The following AREG variants were observed in gnomAD, a reference collection of about 807,000 sequenced individuals.
AREG encodes the protein amphiregulin B.
Under a neutral mutation model 28.0 loss-of-function variants are expected in AREG, and 16 were observed. The observed-to-expected ratio is 0.57, with a 90% CI of 0.39 to 0.87. The LOEUF is 0.87. AREG is among the 40% of genes least tolerant of loss of function. AREG has a pLI of 0.00. For synonymous variants in AREG, 113 were observed against 113.5 expected (o/e 1.00, Z 0.02); for missense variants, 287 against 309.1 (o/e 0.93, Z 0.53).
intron 2 of AREG, among the ~76,000 whole-genome samples, chr4:74,447,077 T>C (rs1185674369): frequency 2.6e-5 from 4 of 152,204 alleles, no homozygotes; most frequent in African/African-American, 9.7e-5. Context: ...AAGGTTTTGC[T>C]CTAGGTTCTA....
intron 5 of AREG, among the ~76,000 whole-genome samples, 200 bp from the exon 6 acceptor site, chr4:74,454,559 T>G (rs1037959588): frequency 6.6e-6 from 1 of 152,076 alleles, no homozygotes; most frequent in Non-Finnish European, 1.5e-5. Context: ...TCAAAGCAAG[T>G]GTGAAAGAGG....
At chr4:74,445,453 G>C (rs892146989) in intron 1 of AREG, 47 bp downstream of exon 1, 2 of 1,583,822 alleles carry the variant, frequency 1.3e-6, no homozygotes, top group African/African-American at 1.3e-5. Context: ...TCCCATGGCA[G>C]GTTTTGCCTC....
At chr4:74,451,227 A>C (rs1326300287) in intron 4 of AREG, among the ~76,000 whole-genome samples, 1 of 152,156 alleles carries the variant, frequency 6.6e-6, no homozygotes, top group Non-Finnish European at 1.5e-5. Context: ...ATGGCCAGTA[A>C]ATGTTAGGAC....
chr4:74,446,428 A>G lies in AREG; in HGVS notation c.62-106A>G, dbSNP rs1719287485. 3 of 1,590,008 alleles carry G rather than the reference A, an allele frequency of 1.9e-6. No homozygotes were observed. In the Admixed American group the frequency reaches 5.0e-5, roughly 27 times the overall value. ...CAATCACAAACAATAGCACATGTGCAATAACTGCTTTGATGTCAAAAGATA... is the reference window on the plus strand; with the variant it reads ...CAATCACAAACAATAGCACATGTGCGATAACTGCTTTGATGTCAAAAGATA... On this transcript the variant is annotated intron_variant, in intron 1 of 5. Coordinates refer to ENST00000395748, the MANE Select transcript of AREG (RefSeq NM_001657.4).
chr4:74,446,679 G>A lies in AREG; in HGVS notation c.207G>A (p.Met69Ile), dbSNP rs1372737857. ...GTGAGATTTCCCCTGTGAGTGAAAT[G>A]CCTTCTAGTAGTGAACCGTCCTCGG... ...SGSEISPVSE[M>I]PSSSEPSSGA... Residue 69 changes from methionine to isoleucine, a missense_variant, in exon 2 of 6, where the codon ATG becomes ATA. Coordinates refer to ENST00000395748, the MANE Select transcript of AREG (RefSeq NM_001657.4). The A allele has an allele frequency of 9.9e-6, 16 of 1,613,824 alleles. No homozygotes were observed. The highest frequency in any genetic ancestry group is 1.3e-5 in the African/African-American group (1 of 74,912).
rs1376031363 is a variant in AREG at position 74,450,299 on chromosome 4, G to T, written c.513-81G>T. ...ACTTTTTTAATGTTGGAATTAAATGGTTCTTTATGATCTGGAGAATAAGCT... is the reference window on the plus strand; with the variant it reads ...ACTTTTTTAATGTTGGAATTAAATGTTTCTTTATGATCTGGAGAATAAGCT... On this transcript the variant is annotated intron_variant, in intron 3 of 5. Transcript: ENST00000395748. 16 of 1,608,748 alleles carry T rather than the reference G, an allele frequency of 9.9e-6. No individual in the cohort carries two copies. The African/African-American group carries it at 1.7e-4, about 17-fold the overall frequency.
chr4:74,452,771 A>C, intron 5 of AREG, 116 bp downstream of exon 5: 1 of 856,848 alleles, frequency 1.2e-6, no homozygotes, highest in Non-Finnish European at 1.8e-6. Flanking sequence ...ACTATGAACA[A>C]TGGCTATGTT....
chr4:74,454,128 G>A (rs1719423523), intron 5 of AREG, among the ~76,000 whole-genome samples: 1 of 152,052 alleles, frequency 6.6e-6, no homozygotes, highest in African/African-American at 2.4e-5. Context: ...TTCATAAAAT[G>A]GGTAATTATT....
intron 1 of AREG, 54 bp from the exon 2 acceptor site, chr4:74,446,480 C>G: frequency 6.2e-7 from 1 of 1,613,894 alleles, no homozygotes; most frequent in Admixed American, 1.7e-5. Context: ...ACAGCTGACT[C>G]GAAAGGCACC....
In AREG at chr4:74,454,759, G is replaced by C; in HGVS notation, c.*19G>C. On this transcript the variant is annotated splice_region_variant and 3_prime_UTR_variant, in exon 6 of 6. Coordinates refer to ENST00000395748, the MANE Select transcript of AREG (RefSeq NM_001657.4). ...TTTATTTTATTTTATTTTCTCACAG[G>C]ATATCACATTGGAGTCACTGCCAAG... is the stretch of plus-strand genomic sequence containing the variant. 1 of 692,858 alleles carries C rather than the reference G, an allele frequency of 1.4e-6. No homozygotes were observed. Among genetic ancestry groups the C allele is most frequent in the Non-Finnish European group, 2.6e-6 (1 of 379,996 alleles). The allele number at this position is 692,858 out of a possible 1,614,324, so 42.9% of individuals were successfully genotyped here.
In AREG at chr4:74,445,270, G is replaced by A. The variant is rs1029041393; in HGVS notation, c.-76G>A. On this transcript the variant is annotated 5_prime_UTR_variant, in exon 1 of 6. Transcript: ENST00000395748. ...GTCTCCACTCGCTCTTCCAACACCC[G>A]CTCGTTTTGGCGGCAGCTCGTGTCC... 3.2e-6 allele frequency: 5 copies of A among 1,569,246 alleles called. No individual in the cohort carries two copies. Among genetic ancestry groups the A allele is most frequent in the Non-Finnish European group, 3.5e-6 (4 of 1,158,580 alleles).
intron 2 of AREG, 43 bp downstream of exon 2, chr4:74,446,825 G>T (rs773105071): frequency 4.3e-6 from 7 of 1,613,792 alleles, no homozygotes; most frequent in East Asian, 2.2e-5. Flanking sequence ...TGAGATGTGG[G>T]TTTATATGAG....
Position 74,446,643 on chromosome 4 carries a change from G to A in AREG, c.171G>A (p.Met57Ile), listed in dbSNP as rs768669393. 2 of 1,613,992 alleles carry A rather than the reference G, an allele frequency of 1.2e-6. No homozygotes were observed. The highest frequency in any genetic ancestry group is 2.2e-5 in the South Asian group (2 of 91,078). ...TTGAGGTTACCTCAAGAAGTGAGAT[G>A]TCTTCAGGGAGTGAGATTTCCCCTG... ...DGFEVTSRSE[M>I]SSGSEISPVS... is the part of the protein sequence containing the mutation. Residue 57 changes from methionine to isoleucine, a missense_variant, in exon 2 of 6, where the codon ATG (methionine) becomes ATA (isoleucine). Met to Ile is a conservative substitution (Grantham distance 10). Transcript: ENST00000395748.
At chr4:74,448,693 C>T (rs966492863) in intron 2 of AREG, 7 of 203,326 alleles carry the variant, frequency 3.4e-5, no homozygotes, top group Non-Finnish European at 5.1e-5. Flanking sequence ...AGATTGACCA[C>T]GAAAATGAGC....
rs1350027834 is a variant in AREG at position 74,446,904 on chromosome 4, G to A, written c.310+122G>A. ...GGCTTTATTGTATATCTGTTGGATAGCCCCTAGGTAAACTGTGACAAAAAG... is the reference window on the plus strand; with the variant it reads ...GGCTTTATTGTATATCTGTTGGATAACCCCTAGGTAAACTGTGACAAAAAG... On this transcript the variant is annotated intron_variant, in intron 2 of 5. Coordinates refer to ENST00000395748, the MANE Select transcript of AREG (RefSeq NM_001657.4). 1.3e-5 allele frequency: 20 copies of A among 1,588,584 alleles called. No homozygotes were observed. In the Admixed American group the frequency reaches 3.1e-4, roughly 24 times the overall value.
intron 2 of AREG, 84 bp downstream of exon 2, chr4:74,446,866 CA>C: frequency 7.5e-6 from 12 of 1,606,540 alleles, no homozygotes; most frequent in Non-Finnish European, 9.3e-6. Context: ...AGCTGCTCCC[CA>C]GATTTTCTAG....
intron 2 of AREG, among the ~76,000 whole-genome samples, chr4:74,447,911 C>G (rs1285970866): frequency 6.6e-6 from 1 of 152,202 alleles, no homozygotes; most frequent in Non-Finnish European, 1.5e-5. Flanking sequence ...TTAGACCCAT[C>G]AAGGTGTCTA....
At chr4:74,451,488 G>T (rs1719381616) in intron 4 of AREG, among the ~76,000 whole-genome samples, 1 of 152,144 alleles carries the variant, frequency 6.6e-6, no homozygotes, top group African/African-American at 2.4e-5. Flanking sequence ...GTTATCTTCT[G>T]CCATTGTTGA....
intron 5 of AREG, among the ~76,000 whole-genome samples, chr4:74,453,592 G>A (rs1465543621): frequency 6.6e-5 from 10 of 152,120 alleles, no homozygotes; most frequent in South Asian, 2.1e-4. Context: ...GTTATTGATT[G>A]TCTAACTTCA....
Sources: gnomAD v4.1 joint callset for allele counts (sites outside exome capture counted in the v4.1 genomes callset) on GRCh38, gnomAD v4.1.1 for gene constraint, MANE v1.5 for transcripts, NCBI Gene and HGNC (gene_info 2026-07-23, HGNC 2026-07-21) for gene names.